The following WWOX variants were observed in gnomAD, a reference collection of about 807,000 sequenced individuals.
WWOX encodes the protein WW domain containing oxidoreductase.
WWOX carries 69 observed loss-of-function variants against 46.2 expected under a neutral mutation model. That is an observed-to-expected ratio of 1.49 (90% CI 1.23 to 1.82). The LOEUF (loss-of-function observed/expected upper bound fraction) is 1.82. Among genes scored for constraint, WWOX ranks in the 40% most tolerant of loss-of-function variants. The pLI is 0.00. For synonymous variants in WWOX, 359 were observed against 202.6 expected, an observed-to-expected ratio of 1.77 and a Z score of -6.56; for missense variants, 919 against 542.6, an observed-to-expected ratio of 1.69 and a Z score of -6.89.
chr16:79,104,830 C>T (rs4888926), intron 8 of WWOX, among the ~76,000 whole-genome samples: 58,548 of 152,000 alleles, frequency 0.39, 12,103 homozygotes, highest in African/African-American at 0.54. Context: ...AAATACTGTG[C>T]GTACTTGCAA....
chr16:78,950,488 A>T (rs1333663383), intron 8 of WWOX, among the ~76,000 whole-genome samples: 3 of 151,164 alleles, frequency 2.0e-5, no homozygotes, highest in Non-Finnish European at 4.4e-5. Flanking sequence ...AATTTGAGGA[A>T]AGACAAAGCA....
chr16:78,553,263 A>G (rs1012908297), intron 8 of WWOX: 8 of 152,334 alleles, frequency 5.3e-5, no homozygotes, highest in Non-Finnish European at 1.2e-4. Flanking sequence ...CACATCCTGC[A>G]CATGTACCCT....
intron 8 of WWOX, among the ~76,000 whole-genome samples, chr16:78,931,841 C>G (rs372676230): frequency 1.4e-4 from 22 of 152,292 alleles, no homozygotes; most frequent in South Asian, 8.3e-4. Context: ...AATCCCCACG[C>G]CACATGGGAG....
chr16:78,921,731 T>C (rs573677672), intron 8 of WWOX, among the ~76,000 whole-genome samples: 1 of 152,286 alleles, frequency 6.6e-6, no homozygotes, highest in East Asian at 1.9e-4. Context: ...AAACTTCTCA[T>C]GGGCTACTGT....
At chr16:78,145,584 T>G (rs1336307313) in intron 4 of WWOX, among the ~76,000 whole-genome samples, 1 of 152,150 alleles carries the variant, frequency 6.6e-6, no homozygotes, top group Non-Finnish European at 1.5e-5. Context: ...TGAGGGTGGG[T>G]CTGTCTCTCT....
At chr16:78,456,427 C>A in intron 8 of WWOX, among the ~76,000 whole-genome samples, 1 of 127,878 alleles carries the variant, frequency 7.8e-6, no homozygotes, top group Admixed American at 7.1e-5. Flanking sequence ...ATAAACAAAG[C>A]AATAGAAAAT....
chr16:78,320,523 C>T (rs570802521), intron 5 of WWOX, among the ~76,000 whole-genome samples: 1 of 152,220 alleles, frequency 6.6e-6, no homozygotes, highest in African/African-American at 2.4e-5. Context: ...AGCATTATTC[C>T]CCAAAGTGGG....
chr16:78,922,786 C>G (rs956699128), intron 8 of WWOX, among the ~76,000 whole-genome samples: 3 of 152,172 alleles, frequency 2.0e-5, no homozygotes, highest in East Asian at 1.9e-4. Flanking sequence ...AACCATAAAG[C>G]TCAGGAGTAA....
chr16:78,981,560 C>T (rs939319534), intron 8 of WWOX, among the ~76,000 whole-genome samples: 2 of 152,060 alleles, frequency 1.3e-5, no homozygotes, highest in African/African-American at 4.8e-5. Context: ...GCCTCAGCCT[C>T]CCAAGTAGCT....
At chr16:78,579,331 G>C (rs994640536) in intron 8 of WWOX, among the ~76,000 whole-genome samples, 1 of 152,154 alleles carries the variant, frequency 6.6e-6, no homozygotes, top group East Asian at 1.9e-4. Flanking sequence ...TGGAATAAGA[G>C]TGAGACAGGG....
intron 8 of WWOX, among the ~76,000 whole-genome samples, chr16:78,541,743 T>C (rs1018569920): frequency 1.3e-5 from 2 of 151,944 alleles, no homozygotes; most frequent in African/African-American, 4.8e-5. Context: ...GTTACAATAA[T>C]ACCCACCTCC....
At chr16:78,635,079 A>G (rs2046535910) in intron 8 of WWOX, among the ~76,000 whole-genome samples, 3 of 152,004 alleles carry the variant, frequency 2.0e-5, no homozygotes, top group Admixed American at 6.6e-5. Context: ...CAGATAGGAA[A>G]CCTTGCCCAA....
At chr16:79,185,632 G>A (rs927730299) in intron 8 of WWOX, among the ~76,000 whole-genome samples, 1 of 152,158 alleles carries the variant, frequency 6.6e-6, no homozygotes, top group African/African-American at 2.4e-5. Context: ...AGGATGCAGG[G>A]AGGGCCTTTT....
At chr16:78,110,945 G>A (rs2032454479) in intron 3 of WWOX, among the ~76,000 whole-genome samples, 1 of 152,166 alleles carries the variant, frequency 6.6e-6, no homozygotes, top group African/African-American at 2.4e-5. Context: ...TAAATTAGAA[G>A]CTTGAATAGT....
intron 8 of WWOX, among the ~76,000 whole-genome samples, chr16:79,010,251 G>A (rs889254597): frequency 6.6e-6 from 1 of 152,214 alleles, no homozygotes; most frequent in Non-Finnish European, 1.5e-5. Context: ...AGAGTGAGGA[G>A]CTGGGGACTC....
intron 8 of WWOX, chr16:78,756,929 A>G: frequency 1.4e-6 from 1 of 703,028 alleles, no homozygotes; most frequent in East Asian, 2.7e-5. Context: ...GATGTGGATC[A>G]TTCACTCTAG....
At chr16:79,156,639 T>C (rs1422933149) in intron 8 of WWOX, among the ~76,000 whole-genome samples, 7 of 152,118 alleles carry the variant, frequency 4.6e-5, no homozygotes, top group African/African-American at 1.7e-4. Context: ...ACAGCTGTTA[T>C]CTTCCAGAAA....
At chr16:78,406,303 A>AATATACATAT (rs1200192812) in intron 6 of WWOX, among the ~76,000 whole-genome samples, 1 of 57,844 alleles carries the variant, frequency 1.7e-5, no homozygotes, top group African/African-American at 4.2e-5. Flanking sequence ...TATAAATATA[A>AATATACATAT]ATATATATAT....
chr16:78,162,496 C>T (rs1173444416), intron 4 of WWOX, among the ~76,000 whole-genome samples: 1 of 151,082 alleles, frequency 6.6e-6, no homozygotes, highest in Non-Finnish European at 1.5e-5. Context: ...TACAAACGTA[C>T]ATTTCTGCTT....
Sources: gnomAD v4.1 joint callset for allele counts (sites outside exome capture counted in the v4.1 genomes callset) on GRCh38, gnomAD v4.1.1 for gene constraint, MANE v1.5 for transcripts, NCBI Gene and HGNC (gene_info 2026-07-23, HGNC 2026-07-21) for gene names.